Variants in SORCS1 observed in about 807,000 individuals in gnomAD.
SORCS1 encodes VPS10 domain-containing receptor SorCS1.
A neutral mutation model predicts 146.1 loss-of-function variants in SORCS1; 60 were observed. That is an observed-to-expected ratio of 0.41 (90% CI 0.33 to 0.51). SORCS1 has a LOEUF of 0.51. Among genes scored for constraint, SORCS1 ranks in the 20% least tolerant of loss-of-function variants. The pLI is 0.21. For synonymous variants in SORCS1, 637 were observed against 584.0 expected, an observed-to-expected ratio of 1.09 and a Z score of -1.31; for missense variants, 1,352 against 1,487.6, an observed-to-expected ratio of 0.91 and a Z score of 1.50.
At chr10:107,004,976 T>C (rs999116003) in intron 1 of SORCS1, among the ~76,000 whole-genome samples, 4 of 152,096 alleles carry the variant, frequency 2.6e-5, no homozygotes, top group Admixed American at 2.0e-4. Flanking sequence ...TTTCTCCAGT[T>C]GCCTGCCAAT....
At chr10:106,823,072 C>G (rs1050323632) in intron 3 of SORCS1, among the ~76,000 whole-genome samples, 1 of 152,062 alleles carries the variant, frequency 6.6e-6, no homozygotes, top group Non-Finnish European at 1.5e-5. Flanking sequence ...TGTAAGCCAC[C>G]GCACCTGGAC....
the SORCS1 span, among the ~76,000 whole-genome samples, chr10:107,180,088 T>C: frequency 3.3e-5 from 5 of 150,992 alleles, no homozygotes; most frequent in African/African-American, 9.7e-5. Flanking sequence ...ATCTAACTTG[T>C]TGTTTTTTAT....
the SORCS1 span, among the ~76,000 whole-genome samples, chr10:107,172,485 A>G: frequency 1.3e-5 from 2 of 152,096 alleles, no homozygotes; most frequent in African/African-American, 2.4e-5. Context: ...TTTTTTCTAT[A>G]TTCTCTTGGC....
chr10:106,804,878 G>A (rs1457328157), intron 3 of SORCS1, among the ~76,000 whole-genome samples: 6 of 152,054 alleles, frequency 3.9e-5, no homozygotes, highest in South Asian at 2.1e-4. Context: ...GGATATAAGC[G>A]CACTAAGAAA....
intron 1 of SORCS1, among the ~76,000 whole-genome samples, chr10:106,989,699 T>A (rs1282207462): frequency 7.3e-6 from 1 of 137,140 alleles, no homozygotes; most frequent in African/African-American, 2.7e-5. Flanking sequence ...TTTTTTTTTT[T>A]TTTCTGAGAT....
intron 3 of SORCS1, among the ~76,000 whole-genome samples, chr10:106,813,128 C>CTTTTTTTTTTTTTTTTTTT: frequency 1.0e-5 from 1 of 98,746 alleles, no homozygotes; most frequent in Non-Finnish European, 2.0e-5. Context: ...CTTCTCTTTT[C>CTTTTTTTTTTTTTTTTTTT]TTTTTTTTTT....
chr10:106,791,468 C>G (rs902609220), intron 3 of SORCS1, among the ~76,000 whole-genome samples: 5 of 152,092 alleles, frequency 3.3e-5, no homozygotes, highest in Non-Finnish European at 7.4e-5. Flanking sequence ...GAGGCCGAGG[C>G]GGGCAGATGG....
rs1458140640 is a variant in SORCS1 at position 107,113,909 on chromosome 10, T to A, written c.558+50060A>T. ...ATAAATAGACAAAGCTTTAACTAGG[T>A]TAACCAGAAAATAAAGAGAGCCCAA... is the stretch of plus-strand genomic sequence containing the variant. On this transcript the variant is annotated intron_variant, in intron 1 of 25. Coordinates refer to ENST00000263054, the MANE Select transcript of SORCS1 (RefSeq NM_052918.5). Among the ~76,000 whole-genome samples, 3 of 151,924 alleles carry A rather than the reference T, an allele frequency of 2.0e-5. No homozygotes were observed. In the East Asian group the frequency reaches 5.8e-4, roughly 29 times the overall value.
intron 22 of SORCS1, among the ~76,000 whole-genome samples, chr10:106,607,679 C>T (rs1207610692): frequency 6.6e-6 from 1 of 152,160 alleles, no homozygotes; most frequent in Non-Finnish European, 1.5e-5. Flanking sequence ...CAAATGTTAG[C>T]TCTTTTTGCT....
chr10:106,838,383 T>A (rs755970725), intron 2 of SORCS1, among the ~76,000 whole-genome samples: 1 of 152,206 alleles, frequency 6.6e-6, no homozygotes, highest in African/African-American at 2.4e-5. Flanking sequence ...ATTATCAATA[T>A]CCTCCTTCAG....
chr10:107,125,109 C>T (rs150154110), intron 1 of SORCS1, among the ~76,000 whole-genome samples: 105 of 151,962 alleles, frequency 6.9e-4, no homozygotes, highest in African/African-American at 2.4e-3. Context: ...TGCACCAACA[C>T]GCCCAGCTAA....
intron 1 of SORCS1, among the ~76,000 whole-genome samples, chr10:107,084,507 A>G (rs1346062246): frequency 6.6e-6 from 1 of 152,136 alleles, no homozygotes; most frequent in Admixed American, 6.5e-5. Flanking sequence ...GTGTTTGTGT[A>G]TGTATATGTA....
chr10:106,984,537 G>T (rs1342916259), intron 1 of SORCS1, among the ~76,000 whole-genome samples: 1 of 151,752 alleles, frequency 6.6e-6, no homozygotes, highest in Non-Finnish European at 1.5e-5. Context: ...GGGACTACAG[G>T]TGCCCTCCAC....
intron 2 of SORCS1, among the ~76,000 whole-genome samples, chr10:106,838,669 A>G (rs912221975): frequency 6.6e-6 from 1 of 152,204 alleles, no homozygotes; most frequent in Non-Finnish European, 1.5e-5. Context: ...AGAATGTCAT[A>G]TATAGGCATA....
At chr10:107,037,851 A>G (rs190174822) in intron 1 of SORCS1, among the ~76,000 whole-genome samples, 8 of 152,230 alleles carry the variant, frequency 5.3e-5, no homozygotes, top group Admixed American at 2.0e-4. Context: ...TTTTGAAACT[A>G]GGACTCACTC....
chr10:106,952,244 T>C (rs976479297), intron 2 of SORCS1, among the ~76,000 whole-genome samples: 1 of 152,158 alleles, frequency 6.6e-6, no homozygotes, highest in African/African-American at 2.4e-5. Flanking sequence ...GTCTCAGTGA[T>C]TGGCTTTCTG....
intron 10 of SORCS1, among the ~76,000 whole-genome samples, chr10:106,687,142 C>A (rs968632267): frequency 6.6e-6 from 1 of 152,156 alleles, no homozygotes; most frequent in African/African-American, 2.4e-5. Context: ...TCTGCATTCA[C>A]TCATTACTTA....
intron 1 of SORCS1, among the ~76,000 whole-genome samples, chr10:107,041,948 T>G (rs1407878603): frequency 6.6e-6 from 1 of 152,184 alleles, no homozygotes; most frequent in East Asian, 1.9e-4. Context: ...ATGCAAATCT[T>G]TCTTAAATTA....
At chr10:106,583,524 T>A (rs1845044911) in intron 24 of SORCS1, among the ~76,000 whole-genome samples, 1 of 152,144 alleles carries the variant, frequency 6.6e-6, no homozygotes. Context: ...TGTTTTGTTT[T>A]TAGATGAAGT....
Sources: allele counts gnomAD v4.1 joint callset (sites outside exome capture counted in the v4.1 genomes callset), GRCh38; gene constraint gnomAD v4.1.1; transcripts MANE v1.5; gene names NCBI Gene and HGNC (gene_info 2026-07-23, HGNC 2026-07-21).